Variants in RBM33 observed in about 807,000 individuals in gnomAD.
RBM33 encodes the protein RNA binding motif protein 33.
Under a neutral mutation model 132.6 loss-of-function variants are expected in RBM33, and 28 were observed. The ratio of observed to expected loss-of-function variants is 0.21; its 90% CI spans 0.16 to 0.29. RBM33 has a LOEUF of 0.29. RBM33 is among the 10% of genes least tolerant of loss of function. The pLI, the probability that RBM33 is intolerant of heterozygous loss-of-function variation, is 1.00. For missense variants in RBM33, 1,291 were observed against 1,518.5 expected (o/e 0.85, Z 2.49); for synonymous variants, 634 against 593.0 (o/e 1.07, Z -1.01).
At chr7:155,757,244 G>A (rs1801880885) in intron 14 of RBM33, among the ~76,000 whole-genome samples, 1 of 152,182 alleles carries the variant, frequency 6.6e-6, no homozygotes, top group South Asian at 2.1e-4. Context: ...ACCTAGGAAT[G>A]TGTATGCTAG....
chr7:155,769,612 G>C (rs555209162), intron 16 of RBM33, among the ~76,000 whole-genome samples: 1 of 152,238 alleles, frequency 6.6e-6, no homozygotes, highest in African/African-American at 2.4e-5. Flanking sequence ...TGGAAGGTGG[G>C]ATCATCTCGG....
chr7:155,767,499 T>A lies in RBM33; in HGVS notation c.3375+844T>A, dbSNP rs1255945574. Among the ~76,000 whole-genome samples, 5 of 152,344 alleles carry A rather than the reference T, an allele frequency of 3.3e-5. No homozygotes were observed. In the South Asian group the frequency reaches 8.3e-4, roughly 25 times the overall value. The stretch of plus-strand genomic sequence containing the variant: ...CTCTTACAGCCTCTAGCTTCATGGG[T>A]GGATTTGGAAACATGTTAACACTAG... On this transcript the variant is annotated intron_variant, in intron 16 of 17. Coordinates refer to ENST00000401878, the MANE Select transcript of RBM33 (RefSeq NM_053043.3).
intron 8 of RBM33, 129 bp from the exon 9 acceptor site, chr7:155,718,256 A>G: frequency 1.6e-6 from 1 of 634,528 alleles, no homozygotes; most frequent in Non-Finnish European, 2.8e-6. Flanking sequence ...GCTTAGCTTA[A>G]GCGTAAGCAC....
chr7:155,683,368 G>A (rs1178206003), intron 5 of RBM33, among the ~76,000 whole-genome samples: 1 of 152,210 alleles, frequency 6.6e-6, no homozygotes, highest in Non-Finnish European at 1.5e-5. Flanking sequence ...GTGTCTCTGT[G>A]TACCCCAATG....
chr7:155,683,699 G>T (rs1360223356), intron 5 of RBM33, among the ~76,000 whole-genome samples: 1 of 152,190 alleles, frequency 6.6e-6, no homozygotes, highest in Non-Finnish European at 1.5e-5. Context: ...GAAAATGTGT[G>T]CTCATTATAT....
At chr7:155,692,855 T>C (rs759169294) in intron 5 of RBM33, among the ~76,000 whole-genome samples, 2 of 152,234 alleles carry the variant, frequency 1.3e-5, no homozygotes, top group Non-Finnish European at 2.9e-5. Flanking sequence ...CAAAGGTATA[T>C]GTATCAAGTA....
intron 5 of RBM33, among the ~76,000 whole-genome samples, chr7:155,690,280 G>A (rs112092952): frequency 0.031 from 4,726 of 152,126 alleles, 237 homozygotes; most frequent in African/African-American, 0.11. Context: ...TTATCAGAGA[G>A]TAGGATTGTA....
At chr7:155,743,660 A>G (rs764007250) in intron 13 of RBM33, among the ~76,000 whole-genome samples, 1 of 152,148 alleles carries the variant, frequency 6.6e-6, no homozygotes, top group Non-Finnish European at 1.5e-5. Context: ...TTATTTTCGT[A>G]TGTTCACCCC....
chr7:155,756,753 A>G lies in RBM33; in HGVS notation c.2980-7059A>G, dbSNP rs1041193752. ...GAATGGTAAAACCCCAGGCGAAAGC[A>G]CAAGTTGCAAAGTAGGCAGCAAAAT... On this transcript the variant is annotated intron_variant, in intron 14 of 17. Transcript: ENST00000401878. Among the ~76,000 whole-genome samples the G allele has an allele frequency of 1.1e-4, 16 of 152,322 alleles. No individual in the cohort carries two copies. The East Asian group carries it at 3.1e-3, about 29-fold the overall frequency.
chr7:155,687,884 T>C (rs1350966157), intron 5 of RBM33, among the ~76,000 whole-genome samples: 1 of 152,224 alleles, frequency 6.6e-6, no homozygotes, highest in Non-Finnish European at 1.5e-5. Flanking sequence ...TATAGCCTTG[T>C]AGTATAGTTT....
At chr7:155,708,325 G>A (rs1800175198) in intron 7 of RBM33, among the ~76,000 whole-genome samples, 1 of 152,198 alleles carries the variant, frequency 6.6e-6, no homozygotes. Flanking sequence ...TGGATTTACA[G>A]TTTGTCTTTT....
chr7:155,745,177 C>T lies in RBM33; in HGVS notation c.2554C>T (p.Pro852Ser), dbSNP rs747127880. 1.2e-6 allele frequency: 2 copies of T among 1,610,518 alleles called. No individual in the cohort carries two copies. Among genetic ancestry groups the T allele is most frequent in the Admixed American group, 1.7e-5 (1 of 59,458 alleles). The change falls in exon 14 of 18, where the codon CCC (proline) becomes TCC (serine). Residue 852 changes from proline (P) to serine (S), a missense_variant. Coordinates refer to ENST00000401878, the MANE Select transcript of RBM33 (RefSeq NM_053043.3). This position sits in a 1 kb window ranked among gnomAD's most constrained non-coding sequence, Gnocchi z 4.1. ...EQEEQALSPSPTNGNPLLPFP... is the reference protein window; with the variant it reads ...EQEEQALSPSSTNGNPLLPFP... ...GGAAGAGCAGGCACTGTCACCATCA[C>T]CCACCAACGGTAACCCACTGTTGCC...
intron 2 of RBM33, among the ~76,000 whole-genome samples, chr7:155,669,396 G>T (rs1437644145): frequency 1.3e-5 from 2 of 152,134 alleles, no homozygotes; most frequent in Non-Finnish European, 2.9e-5. Flanking sequence ...GACAGAGTCT[G>T]CTCTGGAGTG....
chr7:155,712,640 GT>G (rs898215162), intron 8 of RBM33, among the ~76,000 whole-genome samples: 3 of 152,218 alleles, frequency 2.0e-5, no homozygotes, highest in African/African-American at 7.2e-5. Context: ...CAATGTGGCT[GT>G]TCAGGGAAGA....
intron 13 of RBM33, among the ~76,000 whole-genome samples, chr7:155,744,244 C>A (rs1344258161): frequency 6.6e-6 from 1 of 152,162 alleles, no homozygotes; most frequent in Admixed American, 6.5e-5. Flanking sequence ...TATTACAATT[C>A]TTTAAAAATG....
At chr7:155,742,887 C>T (rs1801396286) in intron 13 of RBM33, among the ~76,000 whole-genome samples, 1 of 152,146 alleles carries the variant, frequency 6.6e-6, no homozygotes, top group African/African-American at 2.4e-5. Flanking sequence ...ACCTGGAGGG[C>T]GTGTCAGCCT....
Position 155,673,675 on chromosome 7 carries a change from C to G in RBM33, c.171+760C>G, listed in dbSNP as rs566683044. ...ATATATACACACATATACATACACA[C>G]GTGTATATATATACACACATATATA... is the stretch of plus-strand genomic sequence containing the variant. On this transcript the variant is annotated intron_variant, in intron 3 of 17. Transcript: ENST00000401878. Among the ~76,000 whole-genome samples the G allele has an allele frequency of 7.1e-5, 9 of 126,274 alleles. 1 individual carries two copies. Among genetic ancestry groups the G allele is most frequent in the African/African-American group, 3.1e-4 (9 of 29,002 alleles). The allele number at this position is 126,274 out of a possible 152,430, so 82.8% of individuals were successfully genotyped here.
At chr7:155,659,377 A>G (rs922147516) in intron 1 of RBM33, among the ~76,000 whole-genome samples, 2 of 152,172 alleles carry the variant, frequency 1.3e-5, no homozygotes, top group Non-Finnish European at 2.9e-5. Flanking sequence ...GGAGAATGAT[A>G]TATGAAGAAG....
chr7:155,673,798 A>ACACACACACACC (rs1297448595), intron 3 of RBM33, among the ~76,000 whole-genome samples: 5 of 144,086 alleles, frequency 3.5e-5, no homozygotes, highest in East Asian at 1.9e-4. Flanking sequence ...ACACACACAC[A>ACACACACACACC]CACCCCTACC....
Sources: allele counts gnomAD v4.1 joint callset (sites outside exome capture counted in the v4.1 genomes callset), GRCh38; gene constraint gnomAD v4.1.1; non-coding constraint Gnocchi (gnomAD v3.1); transcripts MANE v1.5; gene names NCBI Gene and HGNC (gene_info 2026-07-23, HGNC 2026-07-21).